The following NRG3 variants were observed in gnomAD, a reference collection of about 807,000 sequenced individuals.
The protein encoded by NRG3 is neuregulin 3.
A neutral mutation model predicts 66.9 loss-of-function variants in NRG3; 31 were observed. The observed-to-expected ratio is 0.46, with a 90% CI of 0.35 to 0.63. The LOEUF (loss-of-function observed/expected upper bound fraction) is 0.63. Ranked by LOEUF, NRG3 falls within the 20% of genes least tolerant of loss-of-function variation. NRG3 has a pLI of 0.00. For missense variants in NRG3, 910 were observed against 878.9 expected (o/e 1.04, Z -0.45); for synonymous variants, 393 against 359.4 (o/e 1.09, Z -1.06).
At chr10:82,952,137 C>G (rs1283307528) in intron 5 of NRG3, among the ~76,000 whole-genome samples, 1 of 152,026 alleles carries the variant, frequency 6.6e-6, no homozygotes, top group Non-Finnish European at 1.5e-5. Context: ...TTATGTTTGA[C>G]TAGAAATAGA....
At chr10:82,382,672 G>A (rs1156557951) in intron 2 of NRG3, among the ~76,000 whole-genome samples, 3 of 151,892 alleles carry the variant, frequency 2.0e-5, no homozygotes, top group Admixed American at 2.0e-4. Flanking sequence ...TATTAAATAT[G>A]TTAAAGCTTA....
intron 1 of NRG3, among the ~76,000 whole-genome samples, chr10:82,020,977 G>T (rs752191549): frequency 5.3e-5 from 8 of 152,040 alleles, no homozygotes; most frequent in Non-Finnish European, 1.0e-4. Context: ...ATATGGCAAG[G>T]CTCCTGAAGA....
At chr10:81,961,446 C>G (rs984996506) in intron 1 of NRG3, among the ~76,000 whole-genome samples, 2 of 148,090 alleles carry the variant, frequency 1.4e-5, no homozygotes, top group East Asian at 2.0e-4. Flanking sequence ...TGACCAGGCT[C>G]TAGCATAGAA....
At chr10:82,339,875 C>T (rs1044921582) in intron 1 of NRG3, among the ~76,000 whole-genome samples, 8 of 151,886 alleles carry the variant, frequency 5.3e-5, no homozygotes, top group African/African-American at 9.7e-5. Context: ...TATCTTCTGT[C>T]GTGCAGCTAT....
intron 2 of NRG3, among the ~76,000 whole-genome samples, chr10:82,705,459 T>C (rs563739388): frequency 3.0e-4 from 45 of 152,318 alleles, no homozygotes; most frequent in African/African-American, 1.1e-3. Flanking sequence ...ATGTGGACCC[T>C]CTAGTAGTTA....
At chr10:82,545,782 TC>T (rs1458478791) in intron 2 of NRG3, among the ~76,000 whole-genome samples, 2 of 129,260 alleles carry the variant, frequency 1.5e-5, no homozygotes, top group Non-Finnish European at 3.2e-5. Flanking sequence ...TAATATCAAC[TC>T]TTTTTTTTTT....
chr10:82,677,062 C>CTCTCT (rs1479824363), intron 2 of NRG3, among the ~76,000 whole-genome samples: 1 of 135,326 alleles, frequency 7.4e-6, no homozygotes, highest in African/African-American at 2.9e-5. Context: ...CTCTCTCTCT[C>CTCTCT]TTTTTTTTTT....
chr10:82,451,197 A>G (rs1369181532), intron 2 of NRG3, among the ~76,000 whole-genome samples: 1 of 152,140 alleles, frequency 6.6e-6, no homozygotes, highest in Admixed American at 6.6e-5. Context: ...TATAATTAGA[A>G]ACTGAAATGC....
chr10:82,642,154 A>G (rs1477824988), intron 2 of NRG3, among the ~76,000 whole-genome samples: 1 of 152,126 alleles, frequency 6.6e-6, no homozygotes, highest in South Asian at 2.1e-4. Flanking sequence ...AGTTCCATCC[A>G]TGTTGCTGCA....
At chr10:81,977,916 T>C (rs926012292) in intron 1 of NRG3, among the ~76,000 whole-genome samples, 13 of 152,206 alleles carry the variant, frequency 8.5e-5, no homozygotes, top group African/African-American at 2.9e-4. Context: ...TACCTAATAA[T>C]TGTACATTTT....
intron 4 of NRG3, among the ~76,000 whole-genome samples, chr10:82,939,788 G>A (rs1412203375): frequency 6.6e-6 from 1 of 151,802 alleles, no homozygotes; most frequent in Non-Finnish European, 1.5e-5. Context: ...TTTTTTAAGT[G>A]TAGTATTATG....
At chr10:82,493,826 G>A (rs181565243) in intron 2 of NRG3, among the ~76,000 whole-genome samples, 372 of 152,230 alleles carry the variant, frequency 2.4e-3, no homozygotes, top group Middle Eastern at 0.01. Flanking sequence ...CAGAGTGGGA[G>A]ACCATTTCTG....
At chr10:82,907,713 A>G (rs1591911900) in intron 4 of NRG3, among the ~76,000 whole-genome samples, 1 of 152,346 alleles carries the variant, frequency 6.6e-6, no homozygotes, top group East Asian at 1.9e-4. Context: ...ATTTCAATAC[A>G]GAAGGTTTTC....
chr10:82,493,075 G>A (rs1843297008), intron 2 of NRG3, among the ~76,000 whole-genome samples: 1 of 151,956 alleles, frequency 6.6e-6, no homozygotes, highest in South Asian at 2.1e-4. Context: ...GTGCCTGTGT[G>A]TGGAGAAGAT....
chr10:82,512,558 G>A (rs953127220), intron 2 of NRG3, among the ~76,000 whole-genome samples: 8 of 152,050 alleles, frequency 5.3e-5, no homozygotes, highest in Middle Eastern at 3.2e-3. Context: ...ATGGGCCACC[G>A]CGCCCTGCCA....
At chr10:82,840,112 T>A (rs1473663227) in intron 3 of NRG3, among the ~76,000 whole-genome samples, 1 of 152,222 alleles carries the variant, frequency 6.6e-6, no homozygotes, top group Non-Finnish European at 1.5e-5. Context: ...CAAGTTTACT[T>A]ACTTAAGTGT....
intron 1 of NRG3, among the ~76,000 whole-genome samples, chr10:82,193,406 G>A (rs1003747068): frequency 6.6e-6 from 1 of 152,202 alleles, no homozygotes; most frequent in Admixed American, 6.5e-5. Context: ...ACCTCCCAAA[G>A]TGCTGGGATT....
At chr10:82,661,035 A>T (rs2052317553) in intron 2 of NRG3, among the ~76,000 whole-genome samples, 1 of 152,168 alleles carries the variant, frequency 6.6e-6, no homozygotes, top group African/African-American at 2.4e-5. Flanking sequence ...TATTTTTCCT[A>T]AATCATGCAG....
intron 2 of NRG3, among the ~76,000 whole-genome samples, chr10:82,598,700 G>T (rs1357968442): frequency 6.6e-6 from 1 of 152,144 alleles, no homozygotes; most frequent in African/African-American, 2.4e-5. Context: ...ACTGTCTCTG[G>T]TGACTTTGAT....
Sources: allele counts gnomAD v4.1 joint callset (sites outside exome capture counted in the v4.1 genomes callset), GRCh38; gene constraint gnomAD v4.1.1; transcripts MANE v1.5; gene names NCBI Gene and HGNC (gene_info 2026-07-23, HGNC 2026-07-21).